The following DPYD variants were observed in gnomAD, a reference collection of about 807,000 sequenced individuals.
The protein encoded by DPYD is dihydropyrimidine dehydrogenase.
DPYD carries 109 observed loss-of-function variants against 116.2 expected under a neutral mutation model. That is an observed-to-expected ratio of 0.94 (90% CI 0.80 to 1.10). The LOEUF is 1.10. Among genes scored for constraint, DPYD ranks in the 50% least tolerant of loss-of-function variants. The pLI is 0.00. For missense variants in DPYD, 1,302 were observed against 1,254.5 expected (o/e 1.04, Z -0.57); for synonymous variants, 440 against 432.0 (o/e 1.02, Z -0.23).
chr1:97,498,672 A>C (rs1448108202), intron 13 of DPYD, among the ~76,000 whole-genome samples: 1 of 151,724 alleles, frequency 6.6e-6, no homozygotes, highest in Non-Finnish European at 1.5e-5. Flanking sequence ...ATATTGACAA[A>C]TTATAGTTGC....
chr1:97,598,921 T>C (rs949143650), intron 8 of DPYD, among the ~76,000 whole-genome samples: 1 of 152,198 alleles, frequency 6.6e-6, no homozygotes, highest in Non-Finnish European at 1.5e-5. Flanking sequence ...ATGTTATGAG[T>C]TCAAAATGGC....
At chr1:97,080,211 G>A (rs1278331569) in intron 22 of DPYD, among the ~76,000 whole-genome samples, 1 of 151,958 alleles carries the variant, frequency 6.6e-6, no homozygotes, top group Non-Finnish European at 1.5e-5. Context: ...TGACTAAGTC[G>A]GGGCTGAGGA....
chr1:97,498,488 CTCTGTG>C, intron 13 of DPYD, among the ~76,000 whole-genome samples: 1 of 115,096 alleles, frequency 8.7e-6, no homozygotes, highest in East Asian at 3.5e-4. Context: ...CTCTCTCTTT[CTCTGTG>C]TGTGTGTGTG....
chr1:97,459,377 A>T (rs1415264821), intron 13 of DPYD, among the ~76,000 whole-genome samples: 1 of 152,192 alleles, frequency 6.6e-6, no homozygotes, highest in Non-Finnish European at 1.5e-5. Flanking sequence ...ACCATTTCCA[A>T]AGATATTGTC....
chr1:97,620,604 A>G (rs1169626535), intron 8 of DPYD, among the ~76,000 whole-genome samples: 1 of 152,176 alleles, frequency 6.6e-6, no homozygotes. Context: ...GTTGGCCAAA[A>G]TTTATTTCAG....
chr1:97,111,764 A>G (rs1182707698), intron 20 of DPYD, among the ~76,000 whole-genome samples: 1 of 152,056 alleles, frequency 6.6e-6, no homozygotes, highest in Non-Finnish European at 1.5e-5. Context: ...TGCCTGGCTC[A>G]TTGCACACTC....
chr1:97,142,412 T>C (rs1382829232), intron 20 of DPYD, among the ~76,000 whole-genome samples: 1 of 152,084 alleles, frequency 6.6e-6, no homozygotes, highest in African/African-American at 2.4e-5. Context: ...ACTACACATA[T>C]AGAATTATAA....
intron 8 of DPYD, among the ~76,000 whole-genome samples, chr1:97,639,683 G>A (rs1204701753): frequency 1.3e-5 from 2 of 152,080 alleles, no homozygotes; most frequent in Admixed American, 6.6e-5. Context: ...GTCCTTCAGC[G>A]TTATAAGGGT....
chr1:97,100,637 A>G (rs2101599943), intron 20 of DPYD, among the ~76,000 whole-genome samples: 1 of 152,188 alleles, frequency 6.6e-6, no homozygotes, highest in Admixed American at 6.6e-5. Flanking sequence ...GGCCATTCAA[A>G]AGAAATCATT....
intron 8 of DPYD, among the ~76,000 whole-genome samples, chr1:97,603,640 C>T (rs536894095): frequency 6.6e-6 from 1 of 152,214 alleles, no homozygotes; most frequent in South Asian, 2.1e-4. Flanking sequence ...GTAAATGTAA[C>T]TCACATTCAT....
chr1:97,257,380 G>C (rs1557977699), intron 18 of DPYD, among the ~76,000 whole-genome samples: 1 of 150,544 alleles, frequency 6.6e-6, no homozygotes. Context: ...TGTATTTTCT[G>C]AGAGCATATT....
intron 14 of DPYD, among the ~76,000 whole-genome samples, chr1:97,430,827 T>G (rs981749880): frequency 6.6e-5 from 10 of 152,064 alleles, no homozygotes; most frequent in African/African-American, 2.4e-4. Context: ...GAAATACAAT[T>G]TTACATCTAT....
rs927099211 is a variant in DPYD at position 97,159,490 on chromosome 1, A to G, written c.2622+33579T>C. ...TTGGAGTCTCAGAAAAGAGGAAGAA[A>G]GAATGAAACAGAAAAACTATTTAGA... On this transcript the variant is annotated intron_variant, in intron 20 of 22. Transcript: ENST00000370192. Among the ~76,000 whole-genome samples, 6 of 152,070 alleles carry G rather than the reference A, an allele frequency of 3.9e-5. No homozygotes were observed. The East Asian group carries it at 1.2e-3, about 29-fold the overall frequency.
At chr1:97,650,757 C>T (rs1571129364) in intron 8 of DPYD, among the ~76,000 whole-genome samples, 1 of 152,150 alleles carries the variant, frequency 6.6e-6, no homozygotes, top group East Asian at 1.9e-4. Flanking sequence ...CATTCTTTAT[C>T]ATTCCTATTA....
At chr1:97,531,509 C>T (rs1332556234) in intron 12 of DPYD, among the ~76,000 whole-genome samples, 7 of 152,026 alleles carry the variant, frequency 4.6e-5, no homozygotes, top group Non-Finnish European at 8.8e-5. Context: ...TGTTTTTATG[C>T]CAGTAGCATA....
chr1:97,403,027 G>A (rs1431611330), intron 14 of DPYD, among the ~76,000 whole-genome samples: 2 of 151,910 alleles, frequency 1.3e-5, no homozygotes, highest in Non-Finnish European at 1.5e-5. Flanking sequence ...ATTTTGTTGA[G>A]CATTTTTGCA....
chr1:97,778,866 G>A (rs1332079014), intron 3 of DPYD, among the ~76,000 whole-genome samples: 2 of 152,094 alleles, frequency 1.3e-5, no homozygotes, highest in African/African-American at 4.8e-5. Flanking sequence ...TTCATACAGA[G>A]CTCAAACTAG....
At chr1:97,675,651 A>AT (rs951593039) in intron 8 of DPYD, among the ~76,000 whole-genome samples, 1 of 152,098 alleles carries the variant, frequency 6.6e-6, no homozygotes, top group Non-Finnish European at 1.5e-5. Context: ...AATTAAAAAT[A>AT]TTTTTTATTT....
intron 8 of DPYD, among the ~76,000 whole-genome samples, chr1:97,655,170 A>G (rs2100852224): frequency 6.6e-6 from 1 of 152,256 alleles, no homozygotes; most frequent in Non-Finnish European, 1.5e-5. Flanking sequence ...TTGAATATAC[A>G]CAAGCATACT....
Sources: allele counts gnomAD v4.1 joint callset (sites outside exome capture counted in the v4.1 genomes callset), GRCh38; gene constraint gnomAD v4.1.1; transcripts MANE v1.5; gene names NCBI Gene and HGNC (gene_info 2026-07-23, HGNC 2026-07-21).